SASH1: variants seen among roughly 807,000 people sequenced by gnomAD.
SASH1 encodes SAM and SH3 domain-containing protein 1.
Under a neutral mutation model 125.2 loss-of-function variants are expected in SASH1, and 44 were observed. That is an observed-to-expected ratio of 0.35 (90% confidence interval 0.28 to 0.45). The LOEUF is 0.45. SASH1 is among the 20% of genes least tolerant of loss of function. SASH1 has a pLI of 1.00. For synonymous variants in SASH1, 639 were observed against 649.1 expected, an observed-to-expected ratio of 0.98 and a Z score of 0.24; for missense variants, 1,426 against 1,614.5, an observed-to-expected ratio of 0.88 and a Z score of 2.00.
chr6:148,283,887 A>C (rs550661689), intron 1 of SASH1, among the ~76,000 whole-genome samples: 28 of 152,220 alleles, frequency 1.8e-4, no homozygotes, highest in African/African-American at 6.7e-4. Flanking sequence ...GCAATACAGG[A>C]ACACACTGAA....
intron 7 of SASH1, among the ~76,000 whole-genome samples, chr6:148,486,413 G>T (rs1015232313): frequency 1.3e-5 from 2 of 152,104 alleles, no homozygotes; most frequent in South Asian, 2.1e-4. Flanking sequence ...GAGCTACTGC[G>T]CCTGGCCTGC....
At chr6:148,421,187 AAG>A (rs759498281) in intron 2 of SASH1, among the ~76,000 whole-genome samples, 4 of 147,648 alleles carry the variant, frequency 2.7e-5, no homozygotes, top group African/African-American at 7.4e-5. Context: ...GAAAGAAAGA[AAG>A]AAAGAAAGAA....
intron 2 of SASH1, among the ~76,000 whole-genome samples, chr6:148,397,326 CA>C (rs989707659): frequency 8.3e-4 from 126 of 151,060 alleles, no homozygotes; most frequent in Middle Eastern, 3.4e-3. Flanking sequence ...ACTAAAAATC[CA>C]AAAAAAAATT....
At chr6:148,366,900 C>T (rs117703658) in intron 1 of SASH1, among the ~76,000 whole-genome samples, 6 of 151,240 alleles carry the variant, frequency 4.0e-5, no homozygotes, top group East Asian at 2.0e-4. Flanking sequence ...CATTTGGATA[C>T]GCTTCTGCAA....
rs1218760828 is a variant in SASH1, at chr6:148,532,416, A to AATGAC, written c.1565-375_1565-371dup. The stretch of plus-strand genomic sequence containing the variant: ...AAGCTCTTTCTTACCCTTTTGGGCA[A>AATGAC]ATGACATGACTGCTCTGAATTTGTT... On this transcript the variant is annotated intron_variant, in intron 13 of 19. Transcript: ENST00000367467. The surrounding 1 kb of genome is among the most constrained non-coding windows in gnomAD (Gnocchi z 4.7). 6.6e-6 allele frequency among the ~76,000 whole-genome samples: 1 copy of AATGAC among 152,214 alleles called. No homozygotes were observed. Among genetic ancestry groups the AATGAC allele is most frequent in the Non-Finnish European group, 1.5e-5 (1 of 68,048 alleles).
rs1782369654 is a variant in SASH1 at position 148,543,778 on chromosome 6, C to T, written c.2308C>T (p.Pro770Ser). 5 of 1,613,764 alleles carry T rather than the reference C, an allele frequency of 3.1e-6. No homozygotes were observed. The Admixed American group carries it at 8.3e-5, about 27-fold the overall frequency. ...CCAGTTGGGCAATTACCCAACATTG[C>T]CTTTAATGAAATCAGGGGATGCACT... The part of the protein sequence containing the change: ...RNQLGNYPTL[P>S]LMKSGDALKQ... Residue 770 changes from proline to serine, a missense_variant, in exon 18 of 20, where the codon CCT (proline) becomes TCT (serine). Coordinates refer to ENST00000367467, the MANE Select transcript of SASH1 (RefSeq NM_015278.5).
At position 148,430,102 on chromosome 6, in the gene SASH1, G is replaced by T. The variant is rs572972128; in HGVS notation, c.286-10082G>T. ...GGCAGAGAAGGTTAAATAGGAGAGC[G>T]TATTGGGATTGGAGCTAAAGGATGA... On this transcript the variant is annotated intron_variant, in intron 2 of 19. Coordinates refer to ENST00000367467, the MANE Select transcript of SASH1 (RefSeq NM_015278.5). Among the ~76,000 whole-genome samples the T allele has an allele frequency of 2.6e-5, 4 of 152,308 alleles. No homozygotes were observed. The East Asian group carries it at 7.7e-4, about 29-fold the overall frequency.
At chr6:148,326,323 CATATATATATATATATATATATAT>C (rs56276306) in intron 1 of SASH1, among the ~76,000 whole-genome samples, 2 of 9,826 alleles carry the variant, frequency 2.0e-4, no homozygotes, top group Middle Eastern at 0.1. Context: ...CCACCGCATG[CATATATATATATATATATATATAT>C]ATATATATAT....
intron 8 of SASH1, chr6:148,514,045 G>A: frequency 8.8e-7 from 1 of 1,141,076 alleles, no homozygotes; most frequent in Non-Finnish European, 1.1e-6. Flanking sequence ...AGAGGACAAG[G>A]AAGTAGTTGA....
rs563200136 is a variant in SASH1 at position 148,465,867 on chromosome 6, AC to A, written c.387-2677del. 1.3e-4 allele frequency among the ~76,000 whole-genome samples: 20 copies of A among 152,238 alleles called. No homozygotes were observed. In the South Asian group the frequency reaches 4.2e-3, roughly 32 times the overall value. ...CTTCTCCCGTGGCCCTGAGCATGTT[AC>A]ATTTGCTGCTTCTCTTCCTCATTCT... On this transcript the variant is annotated intron_variant, in intron 4 of 19. Transcript: ENST00000367467.
rs1350461246 is a variant in SASH1, at chr6:148,543,712, AAGTCATCCACCG to A, written c.2245_2256del (p.Ser749_Glu752del). On this transcript the variant is annotated inframe_deletion, in exon 18 of 20. Coordinates refer to ENST00000367467, the MANE Select transcript of SASH1 (RefSeq NM_015278.5). The stretch of plus-strand genomic sequence containing the variant: ...TCGGAAAGCTAGCCTCCTATCTGCC[AAGTCATCCACCG>A]AGCCCAGCTTGAAGTCTTTTAGCAG... 2.6e-6 allele frequency: 4 copies of A among 1,559,182 alleles called. No individual in the cohort carries two copies. In the South Asian group the frequency reaches 4.9e-5, roughly 19 times the overall value.
At chr6:148,245,530 C>T in the SASH1 span, among the ~76,000 whole-genome samples, 1 of 152,142 alleles carries the variant, frequency 6.6e-6, no homozygotes, top group Non-Finnish European at 1.5e-5. Flanking sequence ...TACTGGTTGT[C>T]TCTCCTGGGG....
intron 1 of SASH1, among the ~76,000 whole-genome samples, chr6:148,351,810 A>T (rs2493917): frequency 5.3e-5 from 8 of 150,904 alleles, no homozygotes; most frequent in South Asian, 2.1e-4. Flanking sequence ...AAACATGTTT[A>T]TGTGTGTGTG....
chr6:148,283,688 C>T (rs1411442223), intron 1 of SASH1, among the ~76,000 whole-genome samples: 1 of 152,030 alleles, frequency 6.6e-6, no homozygotes, highest in Non-Finnish European at 1.5e-5. Flanking sequence ...GCAGGAGAAT[C>T]ATTTGAACCC....
In SASH1 at chr6:148,540,480, C is replaced by T. The variant is rs1022800813; in HGVS notation, c.2133C>T (p.Leu711=). Residue 711 remains leucine (L), a synonymous_variant, in exon 17 of 20, where the codon CTC becomes CTT. Transcript: ENST00000367467. ...AGTCAGGATCCCAGGAGAAGCTGCT[C>T]GTTGACAGCCAGGGCCTGAGTGGAT... ...SDQSGSQEKL[L]VDSQGLSGCS... 4.3e-6 allele frequency: 7 copies of T among 1,613,980 alleles called. No individual in the cohort carries two copies. Among genetic ancestry groups the T allele is most frequent in the East Asian group, 2.2e-5 (1 of 44,868 alleles).
intron 1 of SASH1, among the ~76,000 whole-genome samples, chr6:148,359,241 C>G (rs189543364): frequency 1.3e-5 from 2 of 151,938 alleles, no homozygotes; most frequent in African/African-American, 4.8e-5. Context: ...TCACTGTAAC[C>G]TCCGCCTCCT....
Position 148,328,784 on chromosome 6 carries a change from GC to G in SASH1, n.74+56408del, listed in dbSNP as rs548729668. 5.3e-5 allele frequency among the ~76,000 whole-genome samples: 8 copies of G among 152,212 alleles called. No homozygotes were observed. In the South Asian group the frequency reaches 1.7e-3, roughly 32 times the overall value. On this transcript the variant is annotated intron_variant and non_coding_transcript_variant, in intron 1 of 3. Coordinates refer to the SASH1 transcript ENST00000367469. ...CAGTGAATGATTGATTTGTCCCCTT[GC>G]TGTCATTTATCTTTACATTATTACA...
intron 1 of SASH1, among the ~76,000 whole-genome samples, chr6:148,355,722 G>C (rs1054532109): frequency 1.3e-5 from 2 of 152,112 alleles, no homozygotes; most frequent in Non-Finnish European, 1.5e-5. Context: ...CTTAAACCTC[G>C]AGAGAAGCTT....
the SASH1 span, among the ~76,000 whole-genome samples, chr6:148,257,454 G>C: frequency 2.0e-5 from 3 of 152,144 alleles, no homozygotes; most frequent in Non-Finnish European, 4.4e-5. Context: ...ACCTCAAGTA[G>C]TCTCTCATGT....
Sources: gnomAD v4.1 joint callset for allele counts (sites outside exome capture counted in the v4.1 genomes callset) on GRCh38, gnomAD v4.1.1 for gene constraint, Gnocchi (gnomAD v3.1) non-coding constraint, MANE v1.5 for transcripts, NCBI Gene and HGNC (gene_info 2026-07-23, HGNC 2026-07-21) for gene names.